COL27A1: variants seen among roughly 807,000 people sequenced by gnomAD.
COL27A1 encodes collagen type XXVII alpha 1 chain, also known as collagen alpha-1(XXVII) chain.
Under a neutral mutation model 251.3 loss-of-function variants are expected in COL27A1, and 106 were observed. The ratio of observed to expected loss-of-function variants is 0.42; its 90% CI spans 0.36 to 0.50. COL27A1 has a LOEUF of 0.50. COL27A1 is among the 20% of genes least tolerant of loss of function. The probability of loss-of-function intolerance (pLI) is 0.00; values close to 1 mark genes in which losing one functional copy is unlikely to be tolerated. For missense variants in COL27A1, 2,325 were observed against 2,522.8 expected, an observed-to-expected ratio of 0.92 and a Z score of 1.68; for synonymous variants, 1,000 against 986.3, an observed-to-expected ratio of 1.01 and a Z score of -0.26.
intron 2 of COL27A1, among the ~76,000 whole-genome samples, chr9:114,164,046 C>T (rs1848670522): frequency 6.6e-6 from 1 of 152,150 alleles, no homozygotes; most frequent in Non-Finnish European, 1.5e-5. Flanking sequence ...GCCTGGGAGG[C>T]CCCAGGCAGA....
chr9:114,304,567 C>G, intron 56 of COL27A1, 41 bp from the exon 57 acceptor site: 1 of 1,606,532 alleles, frequency 6.2e-7, no homozygotes, highest in Non-Finnish European at 8.5e-7. Flanking sequence ...GTGGAGAACC[C>G]TGGGGGGCCA....
Position 114,193,580 on chromosome 9 carries a change from C to G in COL27A1, c.2017-824C>G, listed in dbSNP as rs187406839. ...GCTTCATCTTGAGGCCCTAGACAGT[C>G]CCTTTCCTTCTCCTAGCCTCAGTTT... On this transcript the variant is annotated intron_variant, in intron 5 of 60. Transcript: ENST00000356083. Among the ~76,000 whole-genome samples, 56 of 152,124 alleles carry G rather than the reference C, an allele frequency of 3.7e-4. 1 individual carries two copies. In the East Asian group the frequency reaches 0.01, roughly 28 times the overall value.
chr9:114,275,632 CT>C, intron 36 of COL27A1, 28 bp from the exon 37 acceptor site: 32 of 1,449,040 alleles, frequency 2.2e-5, no homozygotes, highest in East Asian at 5.0e-5. Context: ...TTCTCTCTCT[CT>C]CTCCCCTCTT....
intron 5 of COL27A1, among the ~76,000 whole-genome samples, chr9:114,193,742 A>G (rs1211944713): frequency 6.6e-6 from 1 of 152,126 alleles, no homozygotes; most frequent in African/African-American, 2.4e-5. Flanking sequence ...AACCTCATGT[A>G]GAGACCCATG....
At chr9:114,263,741 G>C (rs1228524084) in intron 28 of COL27A1, among the ~76,000 whole-genome samples, 2 of 152,174 alleles carry the variant, frequency 1.3e-5, no homozygotes, top group Non-Finnish European at 2.9e-5. Context: ...CCTGAGCCCA[G>C]GGCTCCAGGG....
chr9:114,263,233 A>G (rs1834481060), intron 28 of COL27A1, among the ~76,000 whole-genome samples: 1 of 152,068 alleles, frequency 6.6e-6, no homozygotes, highest in Non-Finnish European at 1.5e-5. Flanking sequence ...CACTGTGCCC[A>G]GCCTTCCGCC....
intron 37 of COL27A1, among the ~76,000 whole-genome samples, chr9:114,279,418 C>T (rs188925329): frequency 2.1e-4 from 32 of 152,216 alleles, no homozygotes; most frequent in African/African-American, 6.7e-4. Flanking sequence ...GTTTTATTAC[C>T]GGAGGAGCTG....
intron 14 of COL27A1, among the ~76,000 whole-genome samples, chr9:114,227,144 G>A (rs1831523246): frequency 6.6e-6 from 1 of 152,174 alleles, no homozygotes; most frequent in Non-Finnish European, 1.5e-5. Flanking sequence ...AAGGTGAGAT[G>A]TGTGAGCAAC....
intron 5 of COL27A1, among the ~76,000 whole-genome samples, chr9:114,191,852 G>A (rs1564450225): frequency 6.6e-6 from 1 of 152,182 alleles, no homozygotes; most frequent in Non-Finnish European, 1.5e-5. Context: ...AGTGATCGTT[G>A]CCAACTTATG....
chr9:114,265,474 C>T lies in COL27A1; in HGVS notation c.3392C>T (p.Pro1131Leu), dbSNP rs773146237. 2.8e-5 allele frequency: 45 copies of T among 1,613,640 alleles called. No homozygotes were observed. In the East Asian group the frequency reaches 5.8e-4, roughly 21 times the overall value. ...GGCACCAAGGGCCTCCCAGGAGAAC[C>T]GGTAAGAGCCCTTTCCTTCCCTCTT... ...PPGTKGLPGE[P>L]GPQGPQGPIG... Residue 1131 changes from proline (P) to leucine (L), a missense_variant and splice_region_variant, in exon 32 of 61, where the codon CCG (proline) becomes CTG (leucine). By Grantham distance (98) the Pro-to-Leu change is moderately conservative. Transcript: ENST00000356083.
At chr9:114,205,005 C>T (rs749754750) in intron 7 of COL27A1, 97 bp from the exon 8 acceptor site, 21 of 1,138,242 alleles carry the variant, frequency 1.8e-5, no homozygotes, top group African/African-American at 4.6e-5. Flanking sequence ...GCAGTACATA[C>T]GGTGCTGAAC....
At chr9:114,297,659 A>T (rs116696662) in intron 49 of COL27A1, among the ~76,000 whole-genome samples, 77 of 152,334 alleles carry the variant, frequency 5.1e-4, no homozygotes, top group African/African-American at 1.8e-3. Flanking sequence ...CAAACTAGGA[A>T]CAGAAGGGAA....
chr9:114,286,959 A>T (rs1158436269), intron 41 of COL27A1, among the ~76,000 whole-genome samples: 1 of 152,162 alleles, frequency 6.6e-6, no homozygotes, highest in Non-Finnish European at 1.5e-5. Flanking sequence ...TGCCTGGCAC[A>T]TGGAACACGC....
chr9:114,299,657 G>A (rs1828482514), intron 49 of COL27A1, among the ~76,000 whole-genome samples: 1 of 152,222 alleles, frequency 6.6e-6, no homozygotes, highest in Non-Finnish European at 1.5e-5. Flanking sequence ...GGCGGTCCAG[G>A]CAAAACATCC....
intron 49 of COL27A1, among the ~76,000 whole-genome samples, chr9:114,295,412 T>C (rs1483271519): frequency 2.0e-5 from 3 of 152,140 alleles, no homozygotes; most frequent in African/African-American, 7.2e-5. Context: ...GCTTATCGGG[T>C]TTTCATGTAG....
intron 5 of COL27A1, among the ~76,000 whole-genome samples, chr9:114,189,600 T>C (rs936027579): frequency 3.3e-5 from 5 of 152,228 alleles, no homozygotes; most frequent in Non-Finnish European, 7.3e-5. Flanking sequence ...TTTAAAATAT[T>C]ACATTTTTCT....
intron 24 of COL27A1, 49 bp downstream of exon 24, chr9:114,245,959 T>C (rs764153100): frequency 1.9e-6 from 3 of 1,550,806 alleles, no homozygotes; most frequent in Non-Finnish European, 2.7e-6. Flanking sequence ...ATTGGGCCCT[T>C]ACTCTGTGCC....
intron 45 of COL27A1, among the ~76,000 whole-genome samples, chr9:114,289,663 G>A (rs371626911): frequency 2.0e-5 from 3 of 152,144 alleles, no homozygotes; most frequent in African/African-American, 7.2e-5. Flanking sequence ...GCCACTTCCT[G>A]CCTCTGCCCC....
intron 5 of COL27A1, among the ~76,000 whole-genome samples, chr9:114,193,860 G>A (rs1293372439): frequency 6.6e-6 from 1 of 152,106 alleles, no homozygotes; most frequent in Non-Finnish European, 1.5e-5. Context: ...AGACAGTCCT[G>A]GCCACGTGCA....
Sources: gnomAD v4.1 joint callset for allele counts (sites outside exome capture counted in the v4.1 genomes callset) on GRCh38, gnomAD v4.1.1 for gene constraint, MANE v1.5 for transcripts, NCBI Gene and HGNC (gene_info 2026-07-23, HGNC 2026-07-21) for gene names.